The following TAS2R1 variants were observed in gnomAD, a reference collection of about 807,000 sequenced individuals.
The protein encoded by TAS2R1 is taste receptor type 2 member 1.
For synonymous variants in TAS2R1, 141 were observed against 134.2 expected (o/e 1.05, Z -0.35); for missense variants, 370 against 353.4 (o/e 1.05, Z -0.38).
At chr5:9,882,856 T>C in the TAS2R1 span, among the ~76,000 whole-genome samples, 2 of 152,168 alleles carry the variant, frequency 1.3e-5, no homozygotes, top group African/African-American at 4.8e-5. Context: ...ATATAAACCA[T>C]TCTATTTAAT....
At chr5:9,796,244 C>G in the TAS2R1 span, among the ~76,000 whole-genome samples, 2 of 152,224 alleles carry the variant, frequency 1.3e-5, no homozygotes, top group African/African-American at 4.8e-5. Flanking sequence ...GCTTGCTAAA[C>G]AGATGTGTCC....
chr5:9,688,238 G>A (rs1025493800), intron 1 of TAS2R1, among the ~76,000 whole-genome samples: 6 of 152,176 alleles, frequency 3.9e-5, no homozygotes, highest in South Asian at 2.1e-4. Context: ...TCTCAGAATC[G>A]AGCATGTTAA....
the TAS2R1 span, among the ~76,000 whole-genome samples, chr5:9,842,316 C>CTTTTTTTTTTTTT: frequency 8.6e-6 from 1 of 116,230 alleles, no homozygotes; most frequent in Non-Finnish European, 1.7e-5. Flanking sequence ...TTCTTTCTCT[C>CTTTTTTTTTTTTT]TTTTTTTTTT....
At chr5:9,704,156 G>A (rs1040632104) in intron 1 of TAS2R1, among the ~76,000 whole-genome samples, 4 of 152,148 alleles carry the variant, frequency 2.6e-5, no homozygotes, top group African/African-American at 9.7e-5. Context: ...CCTATCACTA[G>A]ACAGAGCTAG....
At chr5:9,716,484 C>T (rs1734814521), upstream of TAS2R1, among the ~76,000 whole-genome samples, 1 of 152,068 alleles carries the variant, frequency 6.6e-6, no homozygotes, top group African/African-American at 2.4e-5. Flanking sequence ...GGACAAAACC[C>T]AGAGACAACA....
At chr5:9,783,717 C>T in the TAS2R1 span, among the ~76,000 whole-genome samples, 2 of 152,072 alleles carry the variant, frequency 1.3e-5, no homozygotes, top group Non-Finnish European at 2.9e-5. Flanking sequence ...AATGTGAACA[C>T]CAAAACTATT....
the TAS2R1 span, among the ~76,000 whole-genome samples, chr5:9,746,562 T>C: frequency 6.6e-6 from 1 of 152,174 alleles, no homozygotes; most frequent in African/African-American, 2.4e-5. Flanking sequence ...GTGGCACATA[T>C]ACACCATGGA....
the TAS2R1 span, among the ~76,000 whole-genome samples, chr5:9,879,901 T>C: frequency 7.9e-5 from 12 of 152,266 alleles, no homozygotes; most frequent in African/African-American, 2.9e-4. Context: ...GTGGGGTCAA[T>C]TGTTTATAAT....
chr5:9,673,979 G>A (rs1388845783), intron 1 of TAS2R1, among the ~76,000 whole-genome samples: 2 of 152,184 alleles, frequency 1.3e-5, no homozygotes, highest in African/African-American at 2.4e-5. Context: ...TAAGCCAGGA[G>A]ATGCTGGAGG....
At chr5:9,860,384 CT>C in the TAS2R1 span, among the ~76,000 whole-genome samples, 1 of 152,220 alleles carries the variant, frequency 6.6e-6, no homozygotes. Context: ...CCTCATCTCC[CT>C]CCCCAGCTCA....
the TAS2R1 span, among the ~76,000 whole-genome samples, chr5:9,725,662 C>T: frequency 6.6e-6 from 1 of 151,170 alleles, no homozygotes; most frequent in Non-Finnish European, 1.5e-5. Flanking sequence ...AGCACCGCCC[C>T]CTGCTCCACG....
At chr5:9,701,206 C>T (rs7730833) in intron 1 of TAS2R1, among the ~76,000 whole-genome samples, 225 of 145,584 alleles carry the variant, frequency 1.5e-3, no homozygotes, top group African/African-American at 5.5e-3. Context: ...TCATTAGCAA[C>T]ATGGCAGACA....
At chr5:9,840,857 ATTTTTTTTTTTTTTT>A in the TAS2R1 span, among the ~76,000 whole-genome samples, 178 of 132,086 alleles carry the variant, frequency 1.3e-3, no homozygotes, top group Middle Eastern at 3.9e-3. Context: ...TTATTTATTT[ATTTTTTTTTTTTTTT>A]TTTTTTTTTT....
At chr5:9,662,554 T>C (rs759087290) in intron 1 of TAS2R1, among the ~76,000 whole-genome samples, 3 of 151,976 alleles carry the variant, frequency 2.0e-5, no homozygotes, top group Non-Finnish European at 4.4e-5. Flanking sequence ...GAGTTGGAGG[T>C]GATTTCTTAC....
At chr5:9,646,565 T>A (rs1740194781) in intron 2 of TAS2R1, among the ~76,000 whole-genome samples, 2 of 152,190 alleles carry the variant, frequency 1.3e-5, no homozygotes, top group Non-Finnish European at 2.9e-5. Context: ...AAATTTATTT[T>A]TCCTGCCCTT....
chr5:9,741,255 T>C, the TAS2R1 span, among the ~76,000 whole-genome samples: 1 of 152,090 alleles, frequency 6.6e-6, no homozygotes. Flanking sequence ...CTCCCAGAGA[T>C]CCGCTATTTA....
chr5:9,737,142 C>A, the TAS2R1 span, among the ~76,000 whole-genome samples: 1 of 152,162 alleles, frequency 6.6e-6, no homozygotes, highest in African/African-American at 2.4e-5. Context: ...TGAAAGTGTG[C>A]AACCTATACC....
chr5:9,863,347 T>C, the TAS2R1 span, among the ~76,000 whole-genome samples: 1 of 148,394 alleles, frequency 6.7e-6, no homozygotes, highest in Non-Finnish European at 1.5e-5. Context: ...CTCGGCTCAC[T>C]GCAAAGCTCT....
chr5:9,836,193 C>G, the TAS2R1 span, among the ~76,000 whole-genome samples: 1 of 151,952 alleles, frequency 6.6e-6, no homozygotes, highest in Non-Finnish European at 1.5e-5. Flanking sequence ...CTTGTGAGGC[C>G]TCCCCAGCCA....
Sources: allele counts gnomAD v4.1 joint callset (sites outside exome capture counted in the v4.1 genomes callset), GRCh38; gene constraint gnomAD v4.1.1; transcripts MANE v1.5; gene names NCBI Gene and HGNC (gene_info 2026-07-23, HGNC 2026-07-21).